The following SPOCK1 variants were observed in gnomAD, a reference collection of about 807,000 sequenced individuals.
SPOCK1 encodes the protein SPARC (osteonectin), cwcv and kazal like domains proteoglycan 1.
In SPOCK1, 23 loss-of-function variants were observed where a neutral mutation model predicts 55.3. That is an observed-to-expected ratio of 0.42 (90% CI 0.30 to 0.59). The LOEUF (loss-of-function observed/expected upper bound fraction) is 0.59. Among genes scored for constraint, SPOCK1 ranks in the 20% least tolerant of loss-of-function variants. SPOCK1 has a pLI of 0.22. For synonymous variants in SPOCK1, 226 were observed against 221.0 expected (o/e 1.02, Z -0.20); for missense variants, 499 against 552.5 (o/e 0.90, Z 0.97).
At chr5:137,185,234 T>G (rs375967626) in intron 3 of SPOCK1, among the ~76,000 whole-genome samples, 121 of 152,322 alleles carry the variant, frequency 7.9e-4, no homozygotes, top group African/African-American at 2.8e-3. Flanking sequence ...CCAGAGACTT[T>G]TTTATTTCTT....
At chr5:137,483,843 C>A (rs1244572933) in intron 2 of SPOCK1, among the ~76,000 whole-genome samples, 2 of 152,188 alleles carry the variant, frequency 1.3e-5, no homozygotes, top group African/African-American at 2.4e-5. Context: ...AGAGAACTCC[C>A]AAAGAGCTGA....
intron 5 of SPOCK1, among the ~76,000 whole-genome samples, chr5:137,101,896 A>G (rs1371260452): frequency 6.6e-6 from 1 of 152,224 alleles, no homozygotes; most frequent in African/African-American, 2.4e-5. Context: ...ACTAGATCAC[A>G]TTCCCATAGA....
intron 7 of SPOCK1, among the ~76,000 whole-genome samples, chr5:136,990,425 TAA>T (rs61532412): frequency 2.1e-4 from 30 of 141,842 alleles, no homozygotes; most frequent in Admixed American, 4.2e-4. Context: ...AGTGCTCAAT[TAA>T]AAAAAAAAAA....
At chr5:137,415,038 G>C (rs1425673908) in intron 2 of SPOCK1, among the ~76,000 whole-genome samples, 30 of 152,144 alleles carry the variant, frequency 2.0e-4, no homozygotes, top group Admixed American at 2.0e-3. Context: ...AACTAGCACA[G>C]TTACAAGTAA....
chr5:137,435,019 A>G (rs1421921566), intron 2 of SPOCK1, among the ~76,000 whole-genome samples: 1 of 152,256 alleles, frequency 6.6e-6, no homozygotes, highest in East Asian at 1.9e-4. Context: ...TATGATCACA[A>G]TTAACATTTT....
chr5:137,130,085 T>C (rs1021411954), intron 4 of SPOCK1, among the ~76,000 whole-genome samples: 4 of 152,204 alleles, frequency 2.6e-5, no homozygotes, highest in Admixed American at 2.0e-4. Flanking sequence ...AGCCAGCCTG[T>C]GAAGCTAGAG....
intron 3 of SPOCK1, among the ~76,000 whole-genome samples, chr5:137,169,794 T>G (rs1327821049): frequency 6.6e-6 from 1 of 152,228 alleles, no homozygotes; most frequent in Non-Finnish European, 1.5e-5. Flanking sequence ...TTCAGAGTTT[T>G]GACCACTGCC....
rs541933433 is a variant in SPOCK1, at chr5:137,393,845, T to A, written c.186+104528A>T. On this transcript the variant is annotated intron_variant, in intron 2 of 10. Transcript: ENST00000394945. ...TAATAAACACTATTAAGTGAATGAATGTCCATGAAAGTGCATGCATCCACA... is the reference window on the plus strand; with the variant it reads ...TAATAAACACTATTAAGTGAATGAAAGTCCATGAAAGTGCATGCATCCACA... 3.3e-5 allele frequency among the ~76,000 whole-genome samples: 5 copies of A among 152,324 alleles called. No individual in the cohort carries two copies. In the South Asian group the frequency reaches 1.0e-3, roughly 32 times the overall value.
At chr5:137,290,992 T>C (rs1757359931) in intron 2 of SPOCK1, among the ~76,000 whole-genome samples, 1 of 152,226 alleles carries the variant, frequency 6.6e-6, no homozygotes, top group Non-Finnish European at 1.5e-5. Flanking sequence ...CTCTCTTTTA[T>C]TTTTCAAGTG....
intron 4 of SPOCK1, among the ~76,000 whole-genome samples, chr5:137,136,591 T>C (rs1753989062): frequency 6.6e-6 from 1 of 152,246 alleles, no homozygotes; most frequent in South Asian, 2.1e-4. Flanking sequence ...TTTTAATTAC[T>C]GTTTTTAGAG....
intron 2 of SPOCK1, among the ~76,000 whole-genome samples, chr5:137,483,375 G>T (rs1753989607): frequency 6.6e-6 from 1 of 152,140 alleles, no homozygotes; most frequent in African/African-American, 2.4e-5. Flanking sequence ...TGTTCAGTTA[G>T]CCCTCCCTTC....
At chr5:137,337,719 TAC>T (rs796964649) in intron 2 of SPOCK1, among the ~76,000 whole-genome samples, 9 of 152,362 alleles carry the variant, frequency 5.9e-5, no homozygotes, top group African/African-American at 2.2e-4. Context: ...TATATTCACA[TAC>T]ACACAGAGAG....
chr5:137,204,228 A>G (rs544138835), intron 3 of SPOCK1, among the ~76,000 whole-genome samples: 44 of 152,218 alleles, frequency 2.9e-4, no homozygotes, highest in African/African-American at 1.1e-3. Context: ...TGCTAATATT[A>G]TTTTTTTATT....
At chr5:137,338,845 C>T (rs557812214) in intron 2 of SPOCK1, among the ~76,000 whole-genome samples, 45 of 152,170 alleles carry the variant, frequency 3.0e-4, no homozygotes, top group South Asian at 6.2e-4. Flanking sequence ...TCATATCCTT[C>T]GCCCACTTTT....
chr5:137,015,080 C>T lies in SPOCK1; in HGVS notation c.590-22480G>A, dbSNP rs570116027. ...TTTTGCCAAGAGGTGGCTTAAGTAGCTGTGGAGAAGAATTTGTAGCATGGT... is the reference window on the plus strand; with the variant it reads ...TTTTGCCAAGAGGTGGCTTAAGTAGTTGTGGAGAAGAATTTGTAGCATGGT... On this transcript the variant is annotated intron_variant, in intron 6 of 10. Transcript: ENST00000394945. 9.2e-5 allele frequency among the ~76,000 whole-genome samples: 14 copies of T among 152,202 alleles called. No homozygotes were observed. The South Asian group carries it at 1.7e-3, about 18-fold the overall frequency.
intron 2 of SPOCK1, among the ~76,000 whole-genome samples, chr5:137,399,427 CA>C (rs1432659514): frequency 6.6e-6 from 1 of 151,404 alleles, no homozygotes; most frequent in Non-Finnish European, 1.5e-5. Context: ...GACTGACATA[CA>C]AAAATCTGTC....
chr5:137,491,645 A>C (rs1754180948), intron 2 of SPOCK1, among the ~76,000 whole-genome samples: 1 of 152,232 alleles, frequency 6.6e-6, no homozygotes, highest in Non-Finnish European at 1.5e-5. Flanking sequence ...AGTTAGACTA[A>C]AAAACAGTTT....
intron 6 of SPOCK1, among the ~76,000 whole-genome samples, chr5:137,022,068 A>T (rs1163273993): frequency 6.6e-6 from 1 of 152,106 alleles, no homozygotes; most frequent in Non-Finnish European, 1.5e-5. Context: ...ACTTGGACAG[A>T]GCTTTGTGAC....
At chr5:137,022,731 A>C (rs575087019) in intron 6 of SPOCK1, among the ~76,000 whole-genome samples, 1 of 152,304 alleles carries the variant, frequency 6.6e-6, no homozygotes, top group South Asian at 2.1e-4. Context: ...TATTGCATGA[A>C]AGTCAGATCA....
Sources: allele counts gnomAD v4.1 joint callset (sites outside exome capture counted in the v4.1 genomes callset), GRCh38; gene constraint gnomAD v4.1.1; transcripts MANE v1.5; gene names NCBI Gene and HGNC (gene_info 2026-07-23, HGNC 2026-07-21).